The following GAB1 variants were observed in gnomAD, a reference collection of about 807,000 sequenced individuals.
The protein encoded by GAB1 is GRB2 associated binding protein 1.
Under a neutral mutation model 66.5 loss-of-function variants are expected in GAB1, and 19 were observed. That is an observed-to-expected ratio of 0.29 (90% CI 0.20 to 0.42). GAB1 has a LOEUF of 0.42. Among genes scored for constraint, GAB1 ranks in the 10% least tolerant of loss-of-function variants. The pLI, the probability that GAB1 is intolerant of heterozygous loss-of-function variation, is 1.00. For missense variants in GAB1, 732 were observed against 858.5 expected (o/e 0.85, Z 1.84); for synonymous variants, 294 against 301.4 (o/e 0.98, Z 0.25).
intron 1 of GAB1, among the ~76,000 whole-genome samples, chr4:143,413,808 C>A (rs989236320): frequency 6.9e-6 from 1 of 144,344 alleles, no homozygotes; most frequent in Non-Finnish European, 1.5e-5. Context: ...CAGAGCATCC[C>A]CACCACCCCG....
chr4:143,425,539 A>T, intron 2 of GAB1: 1 of 762,840 alleles, frequency 1.3e-6, no homozygotes. Context: ...CCATGCAACA[A>T]CAAGGGAGCT....
rs531675236 is a variant in GAB1, at chr4:143,381,713, G to A, written c.73-33764G>A. 1.7e-3 allele frequency among the ~76,000 whole-genome samples: 264 copies of A among 152,248 alleles called. 2 individuals are homozygous for A. The highest frequency in any genetic ancestry group is 6.2e-3 in the African/African-American group (256 of 41,542). ...TCAGTGAAGACCGTTTTTTAAAATC[G>A]TGTGGAATGACTATAGGCATTATAA... On this transcript the variant is annotated intron_variant, in intron 1 of 9. Transcript: ENST00000262994.
At chr4:143,364,869 T>A (rs892833201) in intron 1 of GAB1, among the ~76,000 whole-genome samples, 6 of 90,766 alleles carry the variant, frequency 6.6e-5, no homozygotes, top group Admixed American at 6.2e-4. Flanking sequence ...CTGCATCTAC[T>A]TTTTTTTTTT....
chr4:143,450,706 A>G (rs538469044), intron 6 of GAB1, among the ~76,000 whole-genome samples: 1 of 152,236 alleles, frequency 6.6e-6, no homozygotes, highest in Admixed American at 6.5e-5. Context: ...CCTGACCAAC[A>G]TGGTGAAACC....
chr4:143,376,322 T>C (rs1730414690), intron 1 of GAB1, among the ~76,000 whole-genome samples: 1 of 152,226 alleles, frequency 6.6e-6, no homozygotes, highest in Admixed American at 6.5e-5. Flanking sequence ...CATAAGCTTA[T>C]AGAAATAGGT....
chr4:143,446,128 A>C (rs1474705309), intron 6 of GAB1, among the ~76,000 whole-genome samples: 12 of 151,960 alleles, frequency 7.9e-5, no homozygotes, highest in Non-Finnish European at 1.5e-4. Flanking sequence ...TGAACTCATC[A>C]TTTTTTATGG....
chr4:143,450,343 T>C (rs1388850102), intron 6 of GAB1, among the ~76,000 whole-genome samples: 2 of 152,208 alleles, frequency 1.3e-5, no homozygotes, highest in African/African-American at 4.8e-5. Context: ...AGTAGCATAA[T>C]CTGCAAAACT....
chr4:143,469,307 C>G lies in GAB1; in HGVS notation c.*118C>G. ...ATCCTCAAATGAGTAGAGTTGAAGT[C>G]AAAGGACCTTTCTGACATAATCAAG... is the stretch of plus-strand genomic sequence containing the variant. On this transcript the variant is annotated 3_prime_UTR_variant, in exon 10 of 10. Transcript: ENST00000262994. 9.6e-7 allele frequency: 1 copy of G among 1,046,478 alleles called. No individual in the cohort carries two copies. 64.8% of individuals were successfully genotyped at this position (1,046,478 alleles called of 1,614,324 possible). A position where few individuals can be genotyped will look rare whatever the true frequency, so the allele number is the denominator to read the frequency against.
intron 1 of GAB1, among the ~76,000 whole-genome samples, chr4:143,351,428 C>A (rs1729216454): frequency 6.6e-6 from 1 of 152,204 alleles, no homozygotes; most frequent in Non-Finnish European, 1.5e-5. Flanking sequence ...GGGTGCTCTT[C>A]CGCGGTGTCT....
At chr4:143,456,606 A>G (rs1020400799) in intron 6 of GAB1, among the ~76,000 whole-genome samples, 1 of 152,186 alleles carries the variant, frequency 6.6e-6, no homozygotes, top group African/African-American at 2.4e-5. Context: ...TCATTTCTGA[A>G]TAAACTCAAT....
intron 1 of GAB1, among the ~76,000 whole-genome samples, chr4:143,369,275 C>T (rs1288938549): frequency 3.3e-5 from 5 of 151,972 alleles, no homozygotes; most frequent in African/African-American, 1.2e-4. Flanking sequence ...TGAGGTTTCA[C>T]CATGTTGGCC....
At chr4:143,410,873 C>T (rs897013965) in intron 1 of GAB1, among the ~76,000 whole-genome samples, 2 of 152,044 alleles carry the variant, frequency 1.3e-5, no homozygotes, top group African/African-American at 4.8e-5. Flanking sequence ...TGGCGCTAGG[C>T]AATGGGAAAG....
intron 1 of GAB1, among the ~76,000 whole-genome samples, chr4:143,408,898 G>A (rs887944816): frequency 3.9e-5 from 6 of 152,296 alleles, no homozygotes; most frequent in South Asian, 2.1e-4. Flanking sequence ...GGAAAAGAGC[G>A]GGTTAGTAAA....
intron 1 of GAB1, among the ~76,000 whole-genome samples, chr4:143,412,395 C>T (rs837449): frequency 0.038 from 5,815 of 152,108 alleles, 363 homozygotes; most frequent in African/African-American, 0.13. Flanking sequence ...CATTGTGGCC[C>T]ATGTATCAAA....
At chr4:143,342,566 T>TTTTGAGA (rs1553942526) in intron 1 of GAB1, among the ~76,000 whole-genome samples, 2 of 139,926 alleles carry the variant, frequency 1.4e-5, no homozygotes, top group Admixed American at 1.4e-4. Flanking sequence ...TTTTTTTTTT[T>TTTTGAGA]TTTTGAGATG....
At chr4:143,453,535 A>G (rs1459528257) in intron 6 of GAB1, among the ~76,000 whole-genome samples, 3 of 152,188 alleles carry the variant, frequency 2.0e-5, no homozygotes, top group East Asian at 1.9e-4. Context: ...CATTTTATAT[A>G]TGTTTTCACT....
Position 143,440,091 on chromosome 4 carries a change from G to A in GAB1, c.1294G>A (p.Val432Met), listed in dbSNP as rs1734141757. 1.2e-6 allele frequency: 2 copies of A among 1,613,114 alleles called. No homozygotes were observed. Among genetic ancestry groups the A allele is most frequent in the African/African-American group, 1.3e-5 (1 of 74,856 alleles). Residue 432 changes from valine (V) to methionine (M), a missense_variant, in exon 6 of 10, where the codon GTG (valine) becomes ATG (methionine). By Grantham distance (21) the Val-to-Met change is conservative (BLOSUM62 1). This residue lies in a region of GAB1 where 427 missense variants were observed against 420.6 expected (regional missense o/e 1.02). Coordinates refer to ENST00000262994, the MANE Select transcript of GAB1 (RefSeq NM_002039.4). ...GFHNHFKVKN[V>M]LTVGSVSSEE... The stretch of plus-strand genomic sequence containing the variant: ...ATATGTGTTTTAGAAAGTCAAAAAT[G>A]TGTTGACAGTGGGAAGTGTTTCAAG...
At chr4:143,460,807 A>G (rs1455394254) in intron 8 of GAB1, among the ~76,000 whole-genome samples, 1 of 152,144 alleles carries the variant, frequency 6.6e-6, no homozygotes, top group Non-Finnish European at 1.5e-5. Context: ...CCTGCACAAC[A>G]TGTCACCCTG....
rs28924073 is a variant in GAB1 at position 143,466,336 on chromosome 4, A to C, written c.1926+111A>C. 448 of 1,052,420 alleles carry C rather than the reference A, an allele frequency of 4.3e-4. No homozygotes were observed. The African/African-American group carries it at 6.6e-3, about 16-fold the overall frequency. 65.2% of individuals were successfully genotyped at this position (1,052,420 alleles called of 1,614,324 possible). ...ATTAAGTTATGTTTAATATAAATTT[A>C]GTCTGGTCTGCTACTTGATGCTATC... is the stretch of plus-strand genomic sequence containing the variant. On this transcript the variant is annotated intron_variant, in intron 9 of 9. Coordinates refer to ENST00000262994, the MANE Select transcript of GAB1 (RefSeq NM_002039.4).
Sources: allele counts gnomAD v4.1 joint callset (sites outside exome capture counted in the v4.1 genomes callset), GRCh38; gene constraint gnomAD v4.1.1; regional missense constraint gnomAD v4.1.1; transcripts MANE v1.5; gene names NCBI Gene and HGNC (gene_info 2026-07-23, HGNC 2026-07-21).